The following STAC variants were observed in gnomAD, a reference collection of about 807,000 sequenced individuals.
STAC encodes the protein SH3 and cysteine rich domain.
Under a neutral mutation model 48.8 loss-of-function variants are expected in STAC, and 43 were observed. That is an observed-to-expected ratio of 0.88 (90% CI 0.69 to 1.14). STAC has a LOEUF of 1.14. Among genes scored for constraint, STAC ranks in the 50% most tolerant of loss-of-function variants. STAC has a pLI of 0.00. For synonymous variants in STAC, 193 were observed against 179.5 expected (o/e 1.07, Z -0.60); for missense variants, 497 against 504.0 (o/e 0.99, Z 0.13).
At position 36,514,204 on chromosome 3, in the gene STAC, C is replaced by CTTTTTTTTTTTTT. The variant is rs765548085; in HGVS notation, c.920+8389_920+8401dup. ...TCTCTGATCCATCTACACTGGCCTT[C>CTTTTTTTTTTTTT]TTTTTTTTTTTTTTTTTTTTTTTTT... On this transcript the variant is annotated intron_variant, in intron 8 of 10. Coordinates refer to ENST00000273183, the MANE Select transcript of STAC (RefSeq NM_003149.3). Among the ~76,000 whole-genome samples, 5 of 36,432 alleles carry CTTTTTTTTTTTTT rather than the reference C, an allele frequency of 1.4e-4. 1 individual carries two copies. Among genetic ancestry groups the CTTTTTTTTTTTTT allele is most frequent in the African/African-American group, 5.1e-4 (5 of 9,842 alleles). The allele number at this position is 36,432 out of a possible 152,430, so 23.9% of individuals were successfully genotyped here. A position where few individuals can be genotyped will look rare whatever the true frequency, so the allele number is the denominator to read the frequency against.
chr3:36,522,983 A>G (rs1396427306), intron 8 of STAC, among the ~76,000 whole-genome samples: 1 of 152,222 alleles, frequency 6.6e-6, no homozygotes, highest in Middle Eastern at 3.2e-3. Context: ...CCCTTTGTGT[A>G]CACTGAGTCC....
intron 1 of STAC, among the ~76,000 whole-genome samples, chr3:36,429,334 G>C (rs560409613): frequency 2.0e-5 from 3 of 152,268 alleles, no homozygotes; most frequent in African/African-American, 7.2e-5. Context: ...ATCCCACTAT[G>C]AACCTCTGGT....
At chr3:36,497,299 C>A in intron 6 of STAC, among the ~76,000 whole-genome samples, 1 of 152,110 alleles carries the variant, frequency 6.6e-6, no homozygotes, top group East Asian at 1.9e-4. Flanking sequence ...TTGTGGAGAA[C>A]TGGACATTCA....
intron 2 of STAC, among the ~76,000 whole-genome samples, chr3:36,448,905 C>CA (rs904498474): frequency 1.5e-4 from 3 of 19,620 alleles, no homozygotes; most frequent in South Asian, 1.8e-3. Context: ...CAGTGAACCC[C>CA]CCCCCCCACT....
intron 3 of STAC, among the ~76,000 whole-genome samples, chr3:36,483,580 G>A (rs1294974236): frequency 6.6e-6 from 1 of 152,162 alleles, no homozygotes; most frequent in East Asian, 1.9e-4. Context: ...CAAACCAAGG[G>A]AGATTGAATG....
intron 1 of STAC, among the ~76,000 whole-genome samples, chr3:36,398,396 G>A (rs924940531): frequency 2.8e-5 from 4 of 140,998 alleles, no homozygotes; most frequent in Non-Finnish European, 4.6e-5. Flanking sequence ...AAGAAAGAGA[G>A]GTAAAGAGAA....
chr3:36,452,865 C>T (rs537597665), intron 2 of STAC, among the ~76,000 whole-genome samples: 2 of 152,296 alleles, frequency 1.3e-5, no homozygotes, highest in Admixed American at 1.3e-4. Context: ...AGCCGAAGGC[C>T]TGTGGGGCCT....
At chr3:36,388,400 G>T (rs1179132122) in intron 1 of STAC, among the ~76,000 whole-genome samples, 1 of 151,848 alleles carries the variant, frequency 6.6e-6, no homozygotes, top group Non-Finnish European at 1.5e-5. Context: ...CAACCTTTCA[G>T]ATACATTGCT....
At chr3:36,401,191 A>G (rs1699992737) in intron 1 of STAC, among the ~76,000 whole-genome samples, 1 of 152,180 alleles carries the variant, frequency 6.6e-6, no homozygotes, top group Non-Finnish European at 1.5e-5. Context: ...CCTTCTGGAA[A>G]TAAAGGAACA....
At chr3:36,453,585 C>T (rs938090059) in intron 2 of STAC, among the ~76,000 whole-genome samples, 1 of 152,180 alleles carries the variant, frequency 6.6e-6, no homozygotes, top group African/African-American at 2.4e-5. Context: ...GAGCCTCCCA[C>T]CCCCTCCGTG....
chr3:36,546,141 G>A lies in STAC; in HGVS notation c.1111-50G>A, dbSNP rs143089484. 227 of 1,523,952 alleles carry A rather than the reference G, an allele frequency of 1.5e-4. 1 individual carries two copies. The highest frequency in any genetic ancestry group is 1.0e-3 in the Middle Eastern group (6 of 5,892). 94.4% of individuals were successfully genotyped at this position (1,523,952 alleles called of 1,614,324 possible). On this transcript the variant is annotated intron_variant, in intron 10 of 10. Transcript: ENST00000273183. Reference sequence around the variant, plus strand: ...GATTCAAGCTGCAGGTTCTAACTTCGTTCTTGCTGACAGTAAAGTATTTTG... The same window carrying A: ...GATTCAAGCTGCAGGTTCTAACTTCATTCTTGCTGACAGTAAAGTATTTTG...
At position 36,528,736 on chromosome 3, in the gene STAC, G is replaced by A. The variant is rs745705718; in HGVS notation, c.961G>A (p.Asp321Asn). The A allele has an allele frequency of 1.2e-6, 2 of 1,606,284 alleles. No homozygotes were observed. Among genetic ancestry groups the A allele is most frequent in the South Asian group, 1.1e-5 (1 of 89,210 alleles). ...TACTCTTTTAGAGGATTCCAATGAA[G>A]ACTGGTGGAAAGTAAGTGTTCCTCT... Reference protein sequence around the residue: ...IITLLEDSNEDWWKGKIQDRI... With the variant: ...IITLLEDSNENWWKGKIQDRI... The change falls in exon 9 of 11, where the codon GAC becomes AAC. Residue 321 changes from aspartate (D) to asparagine (N), a missense_variant. By Grantham distance (23) the Asp-to-Asn change is conservative (BLOSUM62 1). Coordinates refer to ENST00000273183, the MANE Select transcript of STAC (RefSeq NM_003149.3).
At chr3:36,431,539 C>T (rs1042057595) in intron 1 of STAC, among the ~76,000 whole-genome samples, 1 of 152,176 alleles carries the variant, frequency 6.6e-6, no homozygotes, top group African/African-American at 2.4e-5. Context: ...GAGGAGCGTG[C>T]TCTGAAACTT....
Position 36,498,219 on chromosome 3 carries a change from A to C in STAC, c.766+4990A>C, listed in dbSNP as rs146222026. Among the ~76,000 whole-genome samples, 1,272 of 152,366 alleles carry C rather than the reference A, an allele frequency of 8.3e-3. 17 individuals carry two copies. The highest frequency in any genetic ancestry group is 0.029 in the African/African-American group (1,190 of 41,594). On this transcript the variant is annotated intron_variant, in intron 6 of 10. Coordinates refer to ENST00000273183, the MANE Select transcript of STAC (RefSeq NM_003149.3). ...AAAGGAAAAAGAGACTATCAGAAGT[A>C]AACAGGCAAGCTTGAGGAAAGTCAA...
chr3:36,514,204 CTTTTTTTTTTTTTTT>C lies in STAC; in HGVS notation c.920+8387_920+8401del, dbSNP rs765548085. On this transcript the variant is annotated intron_variant, in intron 8 of 10. Coordinates refer to ENST00000273183, the MANE Select transcript of STAC (RefSeq NM_003149.3). ...TCTCTGATCCATCTACACTGGCCTT[CTTTTTTTTTTTTTTT>C]TTTTTTTTTTTTTTTTCACAAAAGG... Among the ~76,000 whole-genome samples, 13 of 36,432 alleles carry C rather than the reference CTTTTTTTTTTTTTTT, an allele frequency of 3.6e-4. No homozygotes were observed. The East Asian group carries it at 6.3e-3, about 18-fold the overall frequency. 23.9% of individuals were successfully genotyped at this position (36,432 alleles called of 152,430 possible).
At chr3:36,461,959 T>C (rs1287222102) in intron 2 of STAC, among the ~76,000 whole-genome samples, 1 of 152,148 alleles carries the variant, frequency 6.6e-6, no homozygotes, top group Non-Finnish European at 1.5e-5. Flanking sequence ...AAATGGTTGG[T>C]GTTGCTGTTA....
rs147436277 is a variant in STAC at position 36,491,399 on chromosome 3, G to A, written c.688-1752G>A. 7.6e-3 allele frequency among the ~76,000 whole-genome samples: 1,162 copies of A among 152,236 alleles called. 7 individuals are homozygous for A. Among genetic ancestry groups the A allele is most frequent in the Non-Finnish European group, 0.013 (855 of 68,016 alleles). Reference sequence around the variant, plus strand: ...GAAACCAAATTCAAACAACATTCTCGGAGTTAGTTGGCTAGTTTATGAATA... The same window carrying A: ...GAAACCAAATTCAAACAACATTCTCAGAGTTAGTTGGCTAGTTTATGAATA... On this transcript the variant is annotated intron_variant, in intron 5 of 10. Transcript: ENST00000273183.
chr3:36,437,778 A>G (rs1696190105), intron 1 of STAC, among the ~76,000 whole-genome samples: 2 of 151,578 alleles, frequency 1.3e-5, no homozygotes, highest in South Asian at 4.2e-4. Context: ...AAGGTATAAT[A>G]ATAATACAAT....
At chr3:36,433,325 A>C (rs1307926535) in intron 1 of STAC, among the ~76,000 whole-genome samples, 1 of 152,186 alleles carries the variant, frequency 6.6e-6, no homozygotes, top group East Asian at 1.9e-4. Flanking sequence ...TAGAAATAAT[A>C]CTGGACAGGT....
Sources: gnomAD v4.1 joint callset for allele counts (sites outside exome capture counted in the v4.1 genomes callset) on GRCh38, gnomAD v4.1.1 for gene constraint, MANE v1.5 for transcripts, NCBI Gene and HGNC (gene_info 2026-07-23, HGNC 2026-07-21) for gene names.